NBAS: variants seen among roughly 807,000 people sequenced by gnomAD.
NBAS encodes NBAS subunit of NRZ tethering complex.
Under a neutral mutation model 302.5 loss-of-function variants are expected in NBAS, and 219 were observed. The ratio of observed to expected loss-of-function variants is 0.72; its 90% CI spans 0.65 to 0.81. NBAS has a LOEUF of 0.81. NBAS is among the 30% of genes least tolerant of loss of function. NBAS has a pLI of 0.00. For missense variants in NBAS, 2,932 were observed against 2,841.6 expected (o/e 1.03, Z -0.72); for synonymous variants, 1,118 against 1,021.6 (o/e 1.09, Z -1.80).
At chr2:15,406,103 T>TAAAAAA (rs71400653) in intron 25 of NBAS, among the ~76,000 whole-genome samples, 13 of 115,042 alleles carry the variant, frequency 1.1e-4, no homozygotes, top group Middle Eastern at 0.01. Flanking sequence ...CAATAACATG[T>TAAAAAA]AAAAAAAAAA....
At chr2:15,102,918 T>G in the NBAS span, among the ~76,000 whole-genome samples, 1 of 151,262 alleles carries the variant, frequency 6.6e-6, no homozygotes, top group Non-Finnish European at 1.5e-5. Flanking sequence ...ACTGTGGGAC[T>G]TATACCAAAA....
At chr2:14,922,008 A>G in the NBAS span, among the ~76,000 whole-genome samples, 2 of 152,172 alleles carry the variant, frequency 1.3e-5, no homozygotes, top group Non-Finnish European at 2.9e-5. Context: ...GAACCCAAGG[A>G]GGCATCTGTG....
At chr2:15,034,045 G>A in the NBAS span, among the ~76,000 whole-genome samples, 3 of 99,066 alleles carry the variant, frequency 3.0e-5, 1 homozygote, top group African/African-American at 1.4e-4. Context: ...GGAAGGAGGA[G>A]GAGGAGGAGG....
intron 40 of NBAS, among the ~76,000 whole-genome samples, chr2:15,300,773 A>C (rs546506947): frequency 6.6e-6 from 1 of 152,344 alleles, no homozygotes; most frequent in South Asian, 2.1e-4. Flanking sequence ...CCATGGGTGC[A>C]CACACAAGGA....
At chr2:14,901,459 G>T in the NBAS span, among the ~76,000 whole-genome samples, 1 of 151,804 alleles carries the variant, frequency 6.6e-6, no homozygotes, top group African/African-American at 2.4e-5. Context: ...AAATCGGAAG[G>T]GTAATTTTTT....
the NBAS span, among the ~76,000 whole-genome samples, chr2:15,134,819 A>G: frequency 6.6e-6 from 1 of 152,164 alleles, no homozygotes; most frequent in Non-Finnish European, 1.5e-5. Flanking sequence ...TCCAAATGTA[A>G]TTTGAGAGAA....
At chr2:15,459,610 G>C (rs1679415148) in intron 21 of NBAS, among the ~76,000 whole-genome samples, 1 of 150,686 alleles carries the variant, frequency 6.6e-6, no homozygotes, top group Non-Finnish European at 1.5e-5. Flanking sequence ...CTCCCAAGTA[G>C]CTGGGACTAC....
chr2:15,384,396 A>C (rs911198533), intron 28 of NBAS, among the ~76,000 whole-genome samples: 3 of 152,226 alleles, frequency 2.0e-5, no homozygotes, highest in Admixed American at 6.5e-5. Flanking sequence ...GCATTGAAGC[A>C]AGATGCTCCT....
chr2:15,231,004 C>G (rs1427958515), intron 47 of NBAS, among the ~76,000 whole-genome samples: 1 of 152,222 alleles, frequency 6.6e-6, no homozygotes, highest in African/African-American at 2.4e-5. Context: ...TAACTACTCC[C>G]TCCACTCTGC....
At chr2:14,940,430 A>G in the NBAS span, among the ~76,000 whole-genome samples, 2 of 152,142 alleles carry the variant, frequency 1.3e-5, no homozygotes, top group Non-Finnish European at 2.9e-5. Flanking sequence ...GCTTCCTCAG[A>G]TCAACATCGT....
At chr2:15,429,690 C>T (rs376674105) in intron 21 of NBAS, among the ~76,000 whole-genome samples, 14 of 152,092 alleles carry the variant, frequency 9.2e-5, no homozygotes, top group African/African-American at 2.9e-4. Flanking sequence ...TTTATTATAT[C>T]GTGTATCTAA....
chr2:15,009,399 T>C, the NBAS span, among the ~76,000 whole-genome samples: 2 of 145,282 alleles, frequency 1.4e-5, no homozygotes, highest in African/African-American at 2.5e-5. Flanking sequence ...TAAAGGCTGA[T>C]AAAAAAAAAA....
chr2:14,816,916 T>C, the NBAS span, among the ~76,000 whole-genome samples: 2 of 152,180 alleles, frequency 1.3e-5, no homozygotes, highest in Non-Finnish European at 2.9e-5. Context: ...AAAGAACTCA[T>C]CCTGTGAAAG....
At chr2:14,862,492 G>C in the NBAS span, among the ~76,000 whole-genome samples, 1 of 152,034 alleles carries the variant, frequency 6.6e-6, no homozygotes, top group Non-Finnish European at 1.5e-5. Context: ...AGGGAGACCA[G>C]GTTTCATTCC....
At chr2:15,268,622 A>C (rs1669182458) in intron 44 of NBAS, among the ~76,000 whole-genome samples, 1 of 152,232 alleles carries the variant, frequency 6.6e-6, no homozygotes, top group Admixed American at 6.5e-5. Context: ...GCCCACAAAT[A>C]GGAGGCAGAC....
At chr2:14,864,500 C>A in the NBAS span, among the ~76,000 whole-genome samples, 5 of 152,056 alleles carry the variant, frequency 3.3e-5, no homozygotes, top group African/African-American at 1.2e-4. Flanking sequence ...GCTGTTTGAG[C>A]CTTGGTCAGT....
chr2:15,553,706 ATC>A (rs1270249353), intron 4 of NBAS, among the ~76,000 whole-genome samples: 1 of 136,848 alleles, frequency 7.3e-6, no homozygotes, highest in Non-Finnish European at 1.6e-5. Flanking sequence ...CACTCTCCCC[ATC>A]TCTCTCCCTC....
intron 35 of NBAS, among the ~76,000 whole-genome samples, chr2:15,337,478 A>T (rs1233006900): frequency 6.6e-6 from 1 of 152,004 alleles, no homozygotes; most frequent in Admixed American, 6.6e-5. Context: ...AAATAAAAAT[A>T]AAAAAAAGAA....
At chr2:15,414,743 G>C (rs1256427358) in intron 25 of NBAS, among the ~76,000 whole-genome samples, 1 of 152,126 alleles carries the variant, frequency 6.6e-6, no homozygotes, top group East Asian at 1.9e-4. Context: ...TCAGGAGTTT[G>C]AGACCAGCCT....
Sources: allele counts gnomAD v4.1 joint callset (sites outside exome capture counted in the v4.1 genomes callset), GRCh38; gene constraint gnomAD v4.1.1; transcripts MANE v1.5; gene names NCBI Gene and HGNC (gene_info 2026-07-23, HGNC 2026-07-21).